Variants in EIF2B4 observed in about 807,000 individuals in gnomAD.
The protein encoded by EIF2B4 is eukaryotic translation initiation factor 2B subunit delta.
A neutral mutation model predicts 66.7 loss-of-function variants in EIF2B4; 34 were observed. The ratio of observed to expected loss-of-function variants is 0.51; its 90% CI spans 0.39 to 0.68. The LOEUF is 0.68. Among genes scored for constraint, EIF2B4 ranks in the 30% least tolerant of loss-of-function variants. EIF2B4 has a pLI of 0.00. For missense variants in EIF2B4, 618 were observed against 657.9 expected, an observed-to-expected ratio of 0.94 and a Z score of 0.66; for synonymous variants, 278 against 253.6, an observed-to-expected ratio of 1.10 and a Z score of -0.92.
chr2:27,367,857 C>A, intron 7 of EIF2B4, 35 bp from the exon 8 acceptor site: 1 of 1,595,506 alleles, frequency 6.3e-7, no homozygotes, highest in Non-Finnish European at 8.6e-7. Context: ...CAAAATACCC[C>A]TTAATAAAGA....
chr2:27,365,026 G>GA (rs1681744190), intron 11 of EIF2B4, 128 bp from the exon 12 acceptor site: 2 of 929,338 alleles, frequency 2.2e-6, no homozygotes, highest in Non-Finnish European at 3.3e-6. Flanking sequence ...AGAAGGGAAA[G>GA]AAACAAAAAC....
Position 27,367,091 on chromosome 2 carries a change from C to A in EIF2B4, c.996G>T (p.Val332=). ...GACCATACCATCCATATACCAGGAT[C>A]ACATCTCCATTACTGATCTTCTGGT... ...FAYQKISNGD[V]ILVYGCSSLV... The change falls in exon 10 of 13, where the codon GTG becomes GTT. Residue 332 remains valine (V), a synonymous_variant. Coordinates refer to ENST00000347454, the MANE Select transcript of EIF2B4 (RefSeq NM_001034116.2). 1 of 1,614,186 alleles carries A rather than the reference C, an allele frequency of 6.2e-7. No homozygotes were observed. Among genetic ancestry groups the A allele is most frequent in the South Asian group, 1.1e-5 (1 of 91,050 alleles).
chr2:27,366,275 A>G, intron 11 of EIF2B4: 1 of 238,472 alleles, frequency 4.2e-6, no homozygotes. Context: ...GGGTCTCATT[A>G]TGTTGAGCAG....
chr2:27,365,046 G>C (rs1681746185), intron 11 of EIF2B4, 148 bp from the exon 12 acceptor site: 14 of 756,256 alleles, frequency 1.9e-5, no homozygotes, highest in Non-Finnish European at 2.6e-5. Context: ...CAGACAACAA[G>C]TAATAAATCT....
intron 11 of EIF2B4, 157 bp from the exon 12 acceptor site, chr2:27,365,055 C>CA: frequency 2.0e-5 from 12 of 606,448 alleles, no homozygotes; most frequent in East Asian, 3.3e-5. Context: ...AGTAATAAAT[C>CA]TTTTTTTTTT....
At chr2:27,369,325 C>T in intron 3 of EIF2B4, 89 bp downstream of exon 3, 1 of 1,611,058 alleles carries the variant, frequency 6.2e-7, no homozygotes, top group Non-Finnish European at 8.5e-7. Flanking sequence ...TTGCTCAAAT[C>T]AACTTTGTCC....
chr2:27,366,830 G>T lies in EIF2B4; in HGVS notation c.1120C>A (p.Arg374Ser). 2 of 1,614,214 alleles carry T rather than the reference G, an allele frequency of 1.2e-6. No individual in the cohort carries two copies. Among genetic ancestry groups the T allele is most frequent in the Non-Finnish European group, 1.7e-6 (2 of 1,180,036 alleles). ...GGGACACCAGCATGGACTAGAGAAC[G>T]TAGTGTGTGCCTTCCTTCCAGCCAT... ...RPWLEGRHTL[R>S]SLVHAGVPAS... The change falls in exon 11 of 13, where the codon CGT becomes AGT. Residue 374 changes from arginine (R) to serine (S), a missense_variant. Arg to Ser is a moderately radical substitution (Grantham distance 110, BLOSUM62 -1). This residue lies in a region of EIF2B4 where 506 missense variants were observed against 511.9 expected (regional missense o/e 0.99). Transcript: ENST00000347454.
In EIF2B4 at chr2:27,369,400, G is replaced by C; in HGVS notation, c.211+14C>G. On this transcript the variant is annotated intron_variant, in intron 3 of 12. Coordinates refer to ENST00000347454, the MANE Select transcript of EIF2B4 (RefSeq NM_001034116.2). ...CTCCACACCCCAGCCCTTTAAAAGA[G>C]ACCCCTCACTCACCTTGACATTGGG... 6.2e-7 allele frequency: 1 copy of C among 1,613,852 alleles called. No individual in the cohort carries two copies. Among genetic ancestry groups the C allele is most frequent in the East Asian group, 2.2e-5 (1 of 44,874 alleles).
chr2:27,368,051 T>A lies in EIF2B4; in HGVS notation c.679A>T (p.Ile227Phe). 1 of 1,594,498 alleles carries A rather than the reference T, an allele frequency of 6.3e-7. No individual in the cohort carries two copies. The highest frequency in any genetic ancestry group is 1.1e-5 in the South Asian group (1 of 88,132). ...GLVSGSNARC[I>F]ALLRALQQVI... ...TGCTGCAAGGCACGAAGCAGGGCAA[T>A]ACACCGGGCATTGGAGCCACTGACC... Residue 227 changes from isoleucine to phenylalanine, a missense_variant, in exon 7 of 13, where the codon ATT (isoleucine) becomes TTT (phenylalanine). This residue lies in a region of EIF2B4 where 506 missense variants were observed against 511.9 expected (regional missense o/e 0.99). Transcript: ENST00000347454.
At chr2:27,366,701 G>T in intron 11 of EIF2B4, 58 bp downstream of exon 11, 1 of 1,584,338 alleles carries the variant, frequency 6.3e-7, no homozygotes, top group Non-Finnish European at 8.7e-7. Context: ...GTGAGATTAT[G>T]TCTATACTAC....
At chr2:27,370,195 CG>C in intron 1 of EIF2B4, 88 bp downstream of exon 1, 1 of 1,533,978 alleles carries the variant, frequency 6.5e-7, no homozygotes. Flanking sequence ...AACGGAGCGG[CG>C]GGGCCCAAAG....
In EIF2B4 at chr2:27,365,580, G is replaced by C. The variant is rs371217031; in HGVS notation, c.1192-682C>G. The C allele has an allele frequency of 2.9e-4, 45 of 153,474 alleles. 1 individual carries two copies. The South Asian group carries it at 8.3e-3, about 28-fold the overall frequency. The allele number at this position is 153,474 out of a possible 1,614,324, so 9.5% of individuals were successfully genotyped here. ...TTTAGTAGAGACGGGGTTTCACTGT[G>C]TTAGCCAGGATGATTGTGAACTCCT... On this transcript the variant is annotated intron_variant, in intron 11 of 12. Coordinates refer to ENST00000347454, the MANE Select transcript of EIF2B4 (RefSeq NM_001034116.2).
At chr2:27,364,927 A>G (rs1336079671) in intron 11 of EIF2B4, 29 bp from the exon 12 acceptor site, 2 of 1,610,230 alleles carry the variant, frequency 1.2e-6, no homozygotes, top group Non-Finnish European at 8.5e-7. Context: ...GGAAGAAAAA[A>G]ATGTCATTGT....
Position 27,369,404 on chromosome 2 carries a change from C to T in EIF2B4, c.211+10G>A, listed in dbSNP as rs1173088473. Reference sequence around the variant, plus strand: ...ACACCCCAGCCCTTTAAAAGAGACCCCTCACTCACCTTGACATTGGGCTGC... The same window carrying T: ...ACACCCCAGCCCTTTAAAAGAGACCTCTCACTCACCTTGACATTGGGCTGC... On this transcript the variant is annotated intron_variant, in intron 3 of 12. Transcript: ENST00000347454. 1 of 1,614,004 alleles carries T rather than the reference C, an allele frequency of 6.2e-7. No individual in the cohort carries two copies. Among genetic ancestry groups the T allele is most frequent in the South Asian group, 1.1e-5 (1 of 91,072 alleles).
At chr2:27,366,504 T>C (rs921461970) in intron 11 of EIF2B4, 4 of 523,258 alleles carry the variant, frequency 7.6e-6, no homozygotes, top group Non-Finnish European at 1.4e-5. Context: ...TGTAGCGATA[T>C]CCCATCTCTA....
intron 6 of EIF2B4, 42 bp downstream of exon 6, chr2:27,368,330 C>T (rs376400542): frequency 6.1e-5 from 95 of 1,556,544 alleles, no homozygotes; most frequent in Middle Eastern, 1.7e-4. Context: ...CTTACTAAAA[C>T]TCCTCAGACT....
rs1363957871 is a variant in EIF2B4 at position 27,370,330 on chromosome 2, G to T, written c.-16C>A. 6.5e-7 allele frequency: 1 copy of T among 1,540,600 alleles called. No homozygotes were observed. Among genetic ancestry groups the T allele is most frequent in the East Asian group, 2.4e-5 (1 of 40,910 alleles). Reference sequence around the variant, plus strand: ...CAGCAGCCATCGCCCTCAGTCCTAGGCTCCGCCCGCCGTGGTCACGGAGCC... The same window carrying T: ...CAGCAGCCATCGCCCTCAGTCCTAGTCTCCGCCCGCCGTGGTCACGGAGCC... On this transcript the variant is annotated 5_prime_UTR_variant, in exon 1 of 13. Coordinates refer to ENST00000347454, the MANE Select transcript of EIF2B4 (RefSeq NM_001034116.2).
chr2:27,370,034 G>A, intron 1 of EIF2B4, 115 bp from the exon 2 acceptor site: 3 of 1,513,028 alleles, frequency 2.0e-6, no homozygotes, highest in Non-Finnish European at 2.7e-6. Flanking sequence ...CCGCCGGCAG[G>A]CGCGAGGCGA....
Position 27,369,996 on chromosome 2 carries a change from C to G in EIF2B4, c.32-77G>C. ...TGGGGGCACGAGTACTCGGCGCAGC[C>G]GGCTGCTGGGTTGGCATGACCACGG... On this transcript the variant is annotated intron_variant, in intron 1 of 12. Coordinates refer to ENST00000347454, the MANE Select transcript of EIF2B4 (RefSeq NM_001034116.2). The G allele has an allele frequency of 2.6e-6, 4 of 1,537,512 alleles. 1 individual carries two copies. In the South Asian group the frequency reaches 4.8e-5, roughly 19 times the overall value.
Sources: allele counts gnomAD v4.1 joint callset, GRCh38; gene constraint gnomAD v4.1.1; regional missense constraint gnomAD v4.1.1; transcripts MANE v1.5; gene names NCBI Gene and HGNC (gene_info 2026-07-23, HGNC 2026-07-21).